RAI1: variants seen among roughly 807,000 people sequenced by gnomAD.
RAI1 encodes the protein retinoic acid induced 1, also known as retinoic acid-induced protein 1.
Under a neutral mutation model 123.8 loss-of-function variants are expected in RAI1, and 9 were observed. The ratio of observed to expected loss-of-function variants is 0.07; its 90% CI spans 0.04 to 0.13. The LOEUF (loss-of-function observed/expected upper bound fraction) is 0.13, where lower values mean the gene tolerates loss of function less well. RAI1 is among the 10% of genes least tolerant of loss of function. RAI1 has a pLI of 1.00. For missense variants in RAI1, 2,256 were observed against 2,545.8 expected (o/e 0.89, Z 2.45); for synonymous variants, 1,231 against 1,127.3 (o/e 1.09, Z -1.84).
chr17:17,725,627 G>A (rs1232392331), intron 2 of RAI1, among the ~76,000 whole-genome samples: 1 of 152,160 alleles, frequency 6.6e-6, no homozygotes, highest in Non-Finnish European at 1.5e-5. Context: ...GGGAGAGGTG[G>A]AAGAGCGAAG....
chr17:17,766,028 C>T (rs2030913533), intron 2 of RAI1: 1 of 152,264 alleles, frequency 6.6e-6, no homozygotes, highest in Non-Finnish European at 1.5e-5. Flanking sequence ...GACCTGGGGT[C>T]CAGGCCTGGT....
chr17:17,786,622 A>G (rs746725586), intron 2 of RAI1, among the ~76,000 whole-genome samples: 34 of 152,216 alleles, frequency 2.2e-4, no homozygotes, highest in Non-Finnish European at 4.6e-4. Flanking sequence ...TCCAGAGGTA[A>G]AAGGCTTGCC....
At position 17,800,192 on chromosome 17, in the gene RAI1, C is replaced by G. The variant is rs866697687; in HGVS notation, c.5565+1679C>G. 0.036 allele frequency among the ~76,000 whole-genome samples: 4,666 copies of G among 127,886 alleles called. 321 individuals are homozygous for G. Among genetic ancestry groups the G allele is most frequent in the African/African-American group, 0.11 (3,476 of 31,374 alleles). 83.9% of individuals were successfully genotyped at this position (127,886 alleles called of 152,430 possible). A position where few individuals can be genotyped will look rare whatever the true frequency, so the allele number is the denominator to read the frequency against. Reference sequence around the variant, plus strand: ...TCTGTCTCTCTCTGTCTCTCTCTCTCTCTCTCTCTCTCTCTCTCTCTCTCT... The same window carrying G: ...TCTGTCTCTCTCTGTCTCTCTCTCTGTCTCTCTCTCTCTCTCTCTCTCTCT... On this transcript the variant is annotated intron_variant, in intron 3 of 5. Transcript: ENST00000353383. The surrounding 1 kb of genome is among the most constrained non-coding windows in gnomAD (Gnocchi z 4.7).
intron 2 of RAI1, among the ~76,000 whole-genome samples, chr17:17,761,705 G>C (rs1010011754): frequency 3.3e-5 from 5 of 152,236 alleles, no homozygotes; most frequent in African/African-American, 1.2e-4. Flanking sequence ...CTCCTTGTAA[G>C]TCATTGTTGC....
In RAI1 at chr17:17,796,354, A is replaced by G; in HGVS notation, c.3406A>G (p.Thr1136Ala). The change falls in exon 3 of 6, where the codon ACG becomes GCG. Residue 1136 changes from threonine (T) to alanine (A), a missense_variant. Thr to Ala is a moderately conservative substitution (Grantham distance 58, BLOSUM62 0). Transcript: ENST00000353383. The surrounding 1 kb of genome is among the most constrained non-coding windows in gnomAD (Gnocchi z 5.8). Reference protein sequence around the residue: ...SKTKETDSPSTPGKDQRSMIL... With the variant: ...SKTKETDSPSAPGKDQRSMIL... ...GACCAAGGAGACAGACTCACCCAGC[A>G]CGCCTGGCAAGGACCAGCGCTCCAT... is the stretch of plus-strand genomic sequence containing the variant. The G allele has an allele frequency of 6.2e-7, 1 of 1,613,532 alleles. No homozygotes were observed. The highest frequency in any genetic ancestry group is 8.5e-7 in the Non-Finnish European group (1 of 1,179,998).
At chr17:17,729,924 C>T (rs1350705794) in intron 2 of RAI1, among the ~76,000 whole-genome samples, 3 of 152,168 alleles carry the variant, frequency 2.0e-5, no homozygotes, top group Non-Finnish European at 4.4e-5. Flanking sequence ...AGAGATGTTT[C>T]TGCTGGGGTA....
At chr17:17,724,774 C>A (rs1916021837) in intron 2 of RAI1, among the ~76,000 whole-genome samples, 1 of 152,154 alleles carries the variant, frequency 6.6e-6, no homozygotes, top group African/African-American at 2.4e-5. Flanking sequence ...CCCTCCTCGC[C>A]GCCCGCCAGC....
intron 2 of RAI1, among the ~76,000 whole-genome samples, chr17:17,756,936 C>T (rs1175544455): frequency 6.6e-6 from 1 of 152,256 alleles, no homozygotes. Flanking sequence ...TTGTTATTAA[C>T]CGCATGCCCA....
chr17:17,784,290 T>TG (rs1398479875), intron 2 of RAI1, among the ~76,000 whole-genome samples: 1 of 151,686 alleles, frequency 6.6e-6, no homozygotes, highest in Non-Finnish European at 1.5e-5. Flanking sequence ...AGCGAGGGGG[T>TG]GTCAAAGGCA....
intron 1 of RAI1, among the ~76,000 whole-genome samples, chr17:17,692,274 G>T (rs547548709): frequency 1.3e-5 from 2 of 152,304 alleles, no homozygotes; most frequent in South Asian, 2.1e-4. Flanking sequence ...TTGGGAAGGT[G>T]GGGGGTTCCT....
Position 17,798,231 on chromosome 17 carries a change from T to C in RAI1, c.5283T>C (p.Ala1761=), listed in dbSNP as rs1479077844. Residue 1761 remains alanine, a synonymous_variant, in exon 3 of 6, where the codon GCT becomes GCC. Coordinates refer to ENST00000353383, the MANE Select transcript of RAI1 (RefSeq NM_030665.4). ...AGKPPRPDGP[A]DPAKQGPLRT... is the part of the protein sequence containing the mutation. ...AGCCCCCCAGGCCTGACGGCCCAGC[T>C]GACCCGGCCAAGCAGGGCCCACTGC... The C allele has an allele frequency of 1.2e-6, 2 of 1,610,868 alleles. No individual in the cohort carries two copies. Among genetic ancestry groups the C allele is most frequent in the Non-Finnish European group, 1.7e-6 (2 of 1,178,956 alleles).
chr17:17,699,313 G>T (rs1339483727), intron 1 of RAI1, among the ~76,000 whole-genome samples: 1 of 152,230 alleles, frequency 6.6e-6, no homozygotes, highest in Non-Finnish European at 1.5e-5. Flanking sequence ...GACGCCTGGA[G>T]CCAAGCACAG....
At position 17,793,821 on chromosome 17, in the gene RAI1, A is replaced by G. The variant is rs147070109; in HGVS notation, c.873A>G (p.Gln291=). The G allele has an allele frequency of 1.2e-6, 2 of 1,606,184 alleles. No homozygotes were observed. The highest frequency in any genetic ancestry group is 1.7e-6 in the Non-Finnish European group (2 of 1,175,864). ...QQQQQQQQQQ[Q]ALQSRHHAQE... ...AGCAGCAGCAGCAGCAGCAGCAGCA[A>G]GCCCTTCAGAGCCGGCACCATGCCC... Residue 291 remains glutamine, a synonymous_variant, in exon 3 of 6, where the codon CAA becomes CAG. Transcript: ENST00000353383.
In RAI1 at chr17:17,810,560, G is replaced by A. The variant is rs1041757372; in HGVS notation, c.*579G>A. On this transcript the variant is annotated 3_prime_UTR_variant, in exon 6 of 6. Coordinates refer to ENST00000353383, the MANE Select transcript of RAI1 (RefSeq NM_030665.4). The surrounding 1 kb of genome is among the most constrained non-coding windows in gnomAD (Gnocchi z 4.6). ...GGCACTGGAGAGGCCGGAGCCTTTG[G>A]AACAAACCGTGCGGAACGCGTCCAG... 1 of 312,890 alleles carries A rather than the reference G, an allele frequency of 3.2e-6. No homozygotes were observed. The highest frequency in any genetic ancestry group is 6.4e-6 in the Non-Finnish European group (1 of 157,164). 19.4% of individuals were successfully genotyped at this position (312,890 alleles called of 1,614,324 possible). A position where few individuals can be genotyped will look rare whatever the true frequency, so the allele number is the denominator to read the frequency against.
At chr17:17,788,144 A>G (rs1443451875) in intron 2 of RAI1, among the ~76,000 whole-genome samples, 2 of 152,152 alleles carry the variant, frequency 1.3e-5, no homozygotes, top group Non-Finnish European at 2.9e-5. Flanking sequence ...TGGGGGGGCC[A>G]TGAATGAGGA....
intron 2 of RAI1, among the ~76,000 whole-genome samples, chr17:17,775,534 T>TAACACACATTTTGTA (rs55661964): frequency 0.6 from 90,980 of 151,738 alleles, 28,467 homozygotes; most frequent in Non-Finnish European, 0.68. Flanking sequence ...CCCAGTCAAT[T>TAACACACATTTTGTA]AACACACATT....
Position 17,797,289 on chromosome 17 carries a change from G to A in RAI1, c.4341G>A (p.Arg1447=), listed in dbSNP as rs752364296. The A allele has an allele frequency of 6.2e-7, 1 of 1,612,852 alleles. No individual in the cohort carries two copies. Among genetic ancestry groups the A allele is most frequent in the South Asian group, 1.1e-5 (1 of 91,074 alleles). ...PGGTALAPKK[R]SRKGRAGAHG... ...GGACTGCCCTGGCGCCTAAGAAGAGGAGCCGGAAAGGCCGGGCAGGGGCCC... is the reference window on the plus strand; with the variant it reads ...GGACTGCCCTGGCGCCTAAGAAGAGAAGCCGGAAAGGCCGGGCAGGGGCCC... The change falls in exon 3 of 6, where the codon AGG becomes AGA. Residue 1447 remains arginine, a synonymous_variant. Transcript: ENST00000353383.
At chr17:17,792,905 C>T (rs1281339816) in intron 2 of RAI1, 28 bp from the exon 3 acceptor site, 9 of 1,151,052 alleles carry the variant, frequency 7.8e-6, no homozygotes, top group South Asian at 1.3e-5. Flanking sequence ...CCTTCCCTCC[C>T]TCCCTCCCTT....
chr17:17,714,662 G>A lies in RAI1; in HGVS notation c.-148-9366G>A, dbSNP rs972532247. Among the ~76,000 whole-genome samples, 1 of 152,212 alleles carries A rather than the reference G, an allele frequency of 6.6e-6. No individual in the cohort carries two copies. Among genetic ancestry groups the A allele is most frequent in the Non-Finnish European group, 1.5e-5 (1 of 68,030 alleles). ...GAAGCAGCTGGGTGCGAGCCTCCTG[G>A]CACACATTGTGGGAGTGCTGTGGGT... On this transcript the variant is annotated intron_variant, in intron 1 of 5. Transcript: ENST00000353383. The surrounding 1 kb of genome is among the most constrained non-coding windows in gnomAD (Gnocchi z 4.9).
Sources: allele counts gnomAD v4.1 joint callset (sites outside exome capture counted in the v4.1 genomes callset), GRCh38; gene constraint gnomAD v4.1.1; non-coding constraint Gnocchi (gnomAD v3.1); transcripts MANE v1.5; gene names NCBI Gene and HGNC (gene_info 2026-07-23, HGNC 2026-07-21).